The following GPR78 variants were observed in gnomAD, a reference collection of about 807,000 sequenced individuals.
GPR78 encodes the protein G protein-coupled receptor 78.
Under a neutral mutation model 17.9 loss-of-function variants are expected in GPR78, and 29 were observed. The ratio of observed to expected loss-of-function variants is 1.62; its 90% confidence interval spans 1.20 to 2.21. The LOEUF (loss-of-function observed/expected upper bound fraction) is 2.21. Among genes scored for constraint, GPR78 ranks in the 30% most tolerant of loss-of-function variants. GPR78 has a pLI of 0.00. For missense variants in GPR78, 649 were observed against 530.5 expected (o/e 1.22, Z -2.19); for synonymous variants, 349 against 256.9 (o/e 1.36, Z -3.43).
rs750624516 is a variant in GPR78, at chr4:8,582,662, G to T, written c.782+18G>T. On this transcript the variant is annotated intron_variant, in intron 2 of 2. Transcript: ENST00000382487. ...ATGACCAGGTGGGTCCTGGCAGTCC[G>T]GCTCCTGTTGTGGGAACAGCTGGGT... 1.3e-6 allele frequency: 2 copies of T among 1,526,158 alleles called. No homozygotes were observed. Among genetic ancestry groups the T allele is most frequent in the Non-Finnish European group, 1.8e-6 (2 of 1,100,068 alleles). 94.5% of individuals were successfully genotyped at this position (1,526,158 alleles called of 1,614,324 possible).
chr4:8,585,178 G>A (rs1713455059), intron 2 of GPR78, among the ~76,000 whole-genome samples: 1 of 152,188 alleles, frequency 6.6e-6, no homozygotes, highest in Non-Finnish European at 1.5e-5. Flanking sequence ...GTGGTCTACT[G>A]GAGACGGGGG....
At position 8,580,955 on chromosome 4, in the gene GPR78, C is replaced by T. The variant is rs756980181; in HGVS notation, c.-28C>T. On this transcript the variant is annotated 5_prime_UTR_variant, in exon 1 of 3. Coordinates refer to ENST00000382487, the MANE Select transcript of GPR78 (RefSeq NM_080819.5). ...CGCCCGAAGCAGAGCCATGAGAACC[C>T]CAGGGTGCCTGGCGAGCCGCTAGCG... 1.3e-5 allele frequency: 19 copies of T among 1,519,100 alleles called. No individual in the cohort carries two copies. The highest frequency in any genetic ancestry group is 1.4e-5 in the Non-Finnish European group (16 of 1,137,920). 94.1% of individuals were successfully genotyped at this position (1,519,100 alleles called of 1,614,324 possible).
Position 8,581,330 on chromosome 4 carries a change from A to ACGCCTGCGAC in GPR78, c.352_361dup (p.Arg121ProfsTer48), listed in dbSNP as rs1713272555. On this transcript the variant is annotated frameshift_variant, in exon 1 of 3. Transcript: ENST00000382487. LOFTEE classifies it high-confidence loss of function. ...TGGGCTTCCCACTGCGCTACGCCGG[A>ACGCCTGCGAC]CGCCTGCGACCGCGCTATGCCGGCC... The ACGCCTGCGAC allele has an allele frequency of 6.3e-7, 1 of 1,576,748 alleles. No individual in the cohort carries two copies. Among genetic ancestry groups the ACGCCTGCGAC allele is most frequent in the Non-Finnish European group, 8.6e-7 (1 of 1,167,618 alleles).
Position 8,587,040 on chromosome 4 carries a change from C to T in GPR78, c.783-14C>T, listed in dbSNP as rs142897961. ...GTCACTGTGGCTGAGTTAGCTGCTC[C>T]GCTTCCCCAACAGGCTGGCGGAGCT... On this transcript the variant is annotated splice_polypyrimidine_tract_variant and intron_variant, in intron 2 of 2. Coordinates refer to ENST00000382487, the MANE Select transcript of GPR78 (RefSeq NM_080819.5). 64 of 1,607,042 alleles carry T rather than the reference C, an allele frequency of 4.0e-5. No homozygotes were observed. Among genetic ancestry groups the T allele is most frequent in the East Asian group, 3.8e-4 (17 of 44,764 alleles).
rs1713587476 is a variant in GPR78, at chr4:8,588,062, C to A, written c.*699C>A. Among the ~76,000 whole-genome samples, 1 of 152,226 alleles carries A rather than the reference C, an allele frequency of 6.6e-6. No individual in the cohort carries two copies. The highest frequency in any genetic ancestry group is 1.5e-5 in the Non-Finnish European group (1 of 68,030). ...TTTCCATGGTTTGCCAGGGGTTTGG[C>A]ATCTTGACTGCGGAAGCTGTGGAGT... On this transcript the variant is annotated 3_prime_UTR_variant, in exon 3 of 3. Transcript: ENST00000382487.
rs1230653451 is a variant in GPR78 at position 8,580,408 on chromosome 4, C to G, written c.-575C>G. On this transcript the variant is annotated 5_prime_UTR_variant, in exon 1 of 3. Transcript: ENST00000382487. The stretch of plus-strand genomic sequence containing the variant: ...CGCCCCTATAAGCCACCAGGTCGCT[C>G]CAGTTTGGTGCCAGCGCCTGGAGGG... 1 of 152,506 alleles carries G rather than the reference C, an allele frequency of 6.6e-6. No homozygotes were observed. The highest frequency in any genetic ancestry group is 2.4e-5 in the African/African-American group (1 of 41,456). The allele number at this position is 152,506 out of a possible 1,614,324, so 9.4% of individuals were successfully genotyped here.
chr4:8,586,946 A>T, intron 2 of GPR78, 108 bp from the exon 3 acceptor site: 1 of 949,798 alleles, frequency 1.1e-6, no homozygotes, highest in Non-Finnish European at 1.6e-6. Flanking sequence ...AGTGAGCATC[A>T]GGGCTGCGGT....
chr4:8,583,437 T>C (rs1415709159), intron 2 of GPR78, among the ~76,000 whole-genome samples: 1 of 152,166 alleles, frequency 6.6e-6, no homozygotes. Context: ...CTGGGAGGTC[T>C]CCACCCTATG....
In GPR78 at chr4:8,581,025, G is replaced by A; in HGVS notation, c.43G>A (p.Val15Ile). 2 of 1,599,228 alleles carry A rather than the reference G, an allele frequency of 1.3e-6. No individual in the cohort carries two copies. The highest frequency in any genetic ancestry group is 2.2e-5 in the South Asian group (2 of 89,580). ...EALLAGLLVM[V>I]LAVALLSNAL... ...GCTGCTGGCGGGTCTCCTGGTGATG[G>A]TACTGGCCGTGGCGCTGCTATCCAA... The change falls in exon 1 of 3, where the codon GTA becomes ATA. Residue 15 changes from valine to isoleucine, a missense_variant. By Grantham distance (29) the Val-to-Ile change is conservative (BLOSUM62 3). Transcript: ENST00000382487.
chr4:8,587,547 G>C lies in GPR78; in HGVS notation c.*184G>C. ...GGTGTGGACAGCAGTAGTGGCGGAG[G>C]AGAGCTCGGGGCTGGGCTGCCTGGC... On this transcript the variant is annotated 3_prime_UTR_variant, in exon 3 of 3. Coordinates refer to ENST00000382487, the MANE Select transcript of GPR78 (RefSeq NM_080819.5). 2 of 662,452 alleles carry C rather than the reference G, an allele frequency of 3.0e-6. No homozygotes were observed. Among genetic ancestry groups the C allele is most frequent in the Non-Finnish European group, 2.6e-6 (1 of 391,710 alleles). 41.0% of individuals were successfully genotyped at this position (662,452 alleles called of 1,614,324 possible).
rs1367697474 is a variant in GPR78, at chr4:8,581,343, C to T, written c.361C>T (p.Arg121Cys). 8 of 1,577,342 alleles carry T rather than the reference C, an allele frequency of 5.1e-6. No individual in the cohort carries two copies. The highest frequency in any genetic ancestry group is 1.3e-5 in the African/African-American group (1 of 74,396). ...GCGCTACGCCGGACGCCTGCGACCG[C>T]GCTATGCCGGCCTGCTGCTGGGCTG... ...PLRYAGRLRP[R>C]YAGLLLGCAW... The change falls in exon 1 of 3, where the codon CGC becomes TGC. Residue 121 changes from arginine to cysteine, a missense_variant. Physicochemically the swap from Arg to Cys is radical, Grantham distance 180. Transcript: ENST00000382487.
rs1039548883 is a variant in GPR78, at chr4:8,588,034, T to A, written c.*671T>A. 6.6e-6 allele frequency among the ~76,000 whole-genome samples: 1 copy of A among 152,216 alleles called. No individual in the cohort carries two copies. The highest frequency in any genetic ancestry group is 2.4e-5 in the African/African-American group (1 of 41,464). The stretch of plus-strand genomic sequence containing the variant: ...CGCAGATGGAGCCTGTCTCCTGCCT[T>A]CCTTTCCATGGTTTGCCAGGGGTTT... On this transcript the variant is annotated 3_prime_UTR_variant, in exon 3 of 3. Transcript: ENST00000382487.
chr4:8,581,326 C>G lies in GPR78; in HGVS notation c.344C>G (p.Ala115Gly). The part of the protein sequence containing the change: ...WLAVGFPLRY[A>G]GRLRPRYAGL... ...GCAGTGGGCTTCCCACTGCGCTACG[C>G]CGGACGCCTGCGACCGCGCTATGCC... The change falls in exon 1 of 3, where the codon GCC becomes GGC. Residue 115 changes from alanine (A) to glycine (G), a missense_variant. Coordinates refer to ENST00000382487, the MANE Select transcript of GPR78 (RefSeq NM_080819.5). The G allele has an allele frequency of 3.2e-6, 5 of 1,577,894 alleles. No homozygotes were observed. The highest frequency in any genetic ancestry group is 4.3e-6 in the Non-Finnish European group (5 of 1,168,148).
intron 2 of GPR78, among the ~76,000 whole-genome samples, chr4:8,586,396 CTGAG>C (rs1262924067): frequency 6.6e-6 from 1 of 152,176 alleles, no homozygotes; most frequent in Non-Finnish European, 1.5e-5. Flanking sequence ...TCGAGCTTCT[CTGAG>C]TGATGCTTCG....
chr4:8,582,694 G>A (rs755166281), intron 2 of GPR78, 50 bp downstream of exon 2: 13 of 1,281,168 alleles, frequency 1.0e-5, no homozygotes, highest in Non-Finnish European at 1.5e-5. Context: ...GGGTGGGCTT[G>A]GCCTCAGTTG....
chr4:8,580,990 C>A lies in GPR78; in HGVS notation c.8C>A (p.Pro3His). The change falls in exon 1 of 3, where the codon CCC becomes CAC. Residue 3 changes from proline (P) to histidine (H), a missense_variant. Transcript: ENST00000382487. ...TGGCGAGCCGCTAGCGCCATGGGCC[C>A]CGGCGAGGCGCTGCTGGCGGGTCTC... MGPGEALLAGLLV... is the reference protein window; with the variant it reads MGHGEALLAGLLV... 1.3e-6 allele frequency: 2 copies of A among 1,583,678 alleles called. No homozygotes were observed. The highest frequency in any genetic ancestry group is 1.7e-6 in the Non-Finnish European group (2 of 1,166,542).
At chr4:8,583,344 A>G (rs746446764) in intron 2 of GPR78, among the ~76,000 whole-genome samples, 8 of 150,090 alleles carry the variant, frequency 5.3e-5, no homozygotes, top group South Asian at 2.1e-4. Context: ...TTTATTAGAG[A>G]TGGTGACTGC....
chr4:8,586,406 C>T (rs1713506645), intron 2 of GPR78, among the ~76,000 whole-genome samples: 1 of 152,146 alleles, frequency 6.6e-6, no homozygotes, highest in Non-Finnish European at 1.5e-5. Context: ...CTGAGTGATG[C>T]TTCGGGACAG....
chr4:8,581,740 C>G, intron 1 of GPR78, 90 bp downstream of exon 1: 1 of 961,310 alleles, frequency 1.0e-6, no homozygotes, highest in South Asian at 1.9e-5. Context: ...GCATCACCAC[C>G]GTTACTCCGC....
Sources: gnomAD v4.1 joint callset for allele counts (sites outside exome capture counted in the v4.1 genomes callset) on GRCh38, gnomAD v4.1.1 for gene constraint, MANE v1.5 for transcripts, NCBI Gene and HGNC (gene_info 2026-07-23, HGNC 2026-07-21) for gene names.